The following NELL2 variants were observed in gnomAD, a reference collection of about 807,000 sequenced individuals.
NELL2 encodes neural EGFL like 2, also known as protein kinase C-binding protein NELL2.
NELL2 carries 41 observed loss-of-function variants against 109.6 expected under a neutral mutation model. The observed-to-expected ratio is 0.37, with a 90% CI of 0.29 to 0.49. The LOEUF (loss-of-function observed/expected upper bound fraction) is 0.49, where lower values mean the gene tolerates loss of function less well. Among genes scored for constraint, NELL2 ranks in the 20% least tolerant of loss-of-function variants. The pLI, the probability that NELL2 is intolerant of heterozygous loss-of-function variation, is 0.98. For missense variants in NELL2, 900 were observed against 1,008.3 expected, an observed-to-expected ratio of 0.89 and a Z score of 1.45; for synonymous variants, 355 against 344.7, an observed-to-expected ratio of 1.03 and a Z score of -0.33.
chr12:44,705,797 A>C (rs1937844093), intron 11 of NELL2, among the ~76,000 whole-genome samples: 1 of 152,232 alleles, frequency 6.6e-6, no homozygotes, highest in Non-Finnish European at 1.5e-5. Context: ...GCTCTAACAC[A>C]GTGCTAAATT....
intron 15 of NELL2, among the ~76,000 whole-genome samples, chr12:44,533,291 C>A (rs2139012322): frequency 6.6e-6 from 1 of 152,246 alleles, no homozygotes; most frequent in Non-Finnish European, 1.5e-5. Flanking sequence ...AAGAAATCAA[C>A]CTTAGTTGAC....
upstream of NELL2, among the ~76,000 whole-genome samples, chr12:44,918,011 ATTTT>A (rs1945841479): frequency 6.6e-6 from 1 of 152,208 alleles, no homozygotes; most frequent in Non-Finnish European, 1.5e-5. Flanking sequence ...TAGTTTGAAT[ATTTT>A]GAGTCCTTTC....
chr12:44,668,095 A>G (rs920155080), intron 12 of NELL2, among the ~76,000 whole-genome samples: 1 of 152,140 alleles, frequency 6.6e-6, no homozygotes, highest in African/African-American at 2.4e-5. Flanking sequence ...CTAGAGCACC[A>G]TGGCATCCCT....
At position 44,670,609 on chromosome 12, in the gene NELL2, A is replaced by C. The variant is rs1948105763; in HGVS notation, c.1319-5000T>G. On this transcript the variant is annotated intron_variant, in intron 12 of 19. Transcript: ENST00000429094. ...CACATAGACTAAAAGAGAAGGGACG[A>C]AAAAAAATCCATGCAAATGAAAACC... Among the ~76,000 whole-genome samples the C allele has an allele frequency of 7.6e-5, 9 of 118,120 alleles. No homozygotes were observed. The South Asian group carries it at 2.3e-3, about 30-fold the overall frequency. The allele number at this position is 118,120 out of a possible 152,430, so 77.5% of individuals were successfully genotyped here. A position where few individuals can be genotyped will look rare whatever the true frequency, so the allele number is the denominator to read the frequency against.
At chr12:44,609,179 C>T (rs1161950618) in intron 14 of NELL2, among the ~76,000 whole-genome samples, 1 of 151,892 alleles carries the variant, frequency 6.6e-6, no homozygotes, top group Non-Finnish European at 1.5e-5. Context: ...TCAAACTCTA[C>T]ACTCAAGCAA....
chr12:44,745,043 G>A (rs530619757), intron 9 of NELL2, among the ~76,000 whole-genome samples: 55 of 152,218 alleles, frequency 3.6e-4, no homozygotes, highest in African/African-American at 9.6e-4. Context: ...ACATCAATGC[G>A]AAAATCCTAC....
chr12:44,755,371 C>T (rs772378110), intron 9 of NELL2, among the ~76,000 whole-genome samples: 18 of 152,266 alleles, frequency 1.2e-4, no homozygotes, highest in Middle Eastern at 3.4e-3. Flanking sequence ...CATACACACA[C>T]GCACATGCAC....
At chr12:44,566,533 TCA>T (rs3071958) in intron 15 of NELL2, among the ~76,000 whole-genome samples, 49,501 of 148,642 alleles carry the variant, frequency 0.33, 9,162 homozygotes, top group Non-Finnish European at 0.44. Context: ...TTACACATAC[TCA>T]CACACACACA....
intron 9 of NELL2, among the ~76,000 whole-genome samples, chr12:44,759,124 C>G (rs1941014118): frequency 6.6e-6 from 1 of 152,162 alleles, no homozygotes; most frequent in African/African-American, 2.4e-5. Flanking sequence ...TATGACTACC[C>G]CATTTGAAAG....
intron 2 of NELL2, among the ~76,000 whole-genome samples, chr12:44,826,916 A>T (rs189863441): frequency 2.6e-5 from 4 of 152,306 alleles, no homozygotes; most frequent in Admixed American, 2.6e-4. Context: ...TATTCTGAAG[A>T]TAAATAAATA....
chr12:44,704,620 T>C (rs1390792018), intron 11 of NELL2, among the ~76,000 whole-genome samples: 1 of 152,238 alleles, frequency 6.6e-6, no homozygotes, highest in East Asian at 1.9e-4. Flanking sequence ...CTATATTTAA[T>C]GGAAATTACA....
chr12:44,608,253 G>A (rs1945477688), intron 14 of NELL2, among the ~76,000 whole-genome samples: 1 of 152,004 alleles, frequency 6.6e-6, no homozygotes, highest in South Asian at 2.1e-4. Context: ...CCTCTAGTTA[G>A]GTAGAATACA....
chr12:44,719,245 T>A (rs1002256799), intron 9 of NELL2, among the ~76,000 whole-genome samples: 2 of 152,194 alleles, frequency 1.3e-5, no homozygotes, highest in African/African-American at 4.8e-5. Context: ...GAGAAATGGA[T>A]AAGTGAAAGA....
intron 9 of NELL2, among the ~76,000 whole-genome samples, chr12:44,767,631 A>G (rs1376873716): frequency 6.6e-6 from 1 of 152,224 alleles, no homozygotes; most frequent in Non-Finnish European, 1.5e-5. Flanking sequence ...GAAACAATCA[A>G]AATATCTTTA....
At position 44,532,668 on chromosome 12, in the gene NELL2, T is replaced by C; in HGVS notation, c.1717A>G (p.Ile573Val). The C allele has an allele frequency of 1.2e-6, 2 of 1,613,646 alleles. No individual in the cohort carries two copies. The highest frequency in any genetic ancestry group is 1.7e-6 in the Non-Finnish European group (2 of 1,179,672). ...CAGTGGTACCATCCAGGCAGGTTAA[T>C]GCAATTAGCACGACTGTCACATTGA... Reference protein sequence around the residue: ...FVQCDSRANCINLPGWYHCEC... With the variant: ...FVQCDSRANCVNLPGWYHCEC... The change falls in exon 16 of 20, where the codon ATT becomes GTT. Residue 573 changes from isoleucine to valine, a missense_variant. Physicochemically the swap from Ile to Val is conservative, Grantham distance 29 (BLOSUM62 3). Coordinates refer to ENST00000429094, the MANE Select transcript of NELL2 (RefSeq NM_001145108.2).
chr12:44,904,312 T>G lies in NELL2; in HGVS notation c.38+9487A>C, dbSNP rs1465069530. Among the ~76,000 whole-genome samples, 3 of 152,190 alleles carry G rather than the reference T, an allele frequency of 2.0e-5. No individual in the cohort carries two copies. In the East Asian group the frequency reaches 5.8e-4, roughly 29 times the overall value. The stretch of plus-strand genomic sequence containing the variant: ...ATATGCTCAACACATCCCATTTTCT[T>G]TTATTCTAAGAATATGCTTTTCACT... On this transcript the variant is annotated intron_variant, in intron 1 of 20. Coordinates refer to the NELL2 transcript ENST00000333837.
intron 2 of NELL2, among the ~76,000 whole-genome samples, chr12:44,840,195 G>A (rs1488124241): frequency 6.6e-6 from 1 of 152,120 alleles, no homozygotes; most frequent in East Asian, 1.9e-4. Flanking sequence ...TGATTGAGGA[G>A]GCAGTCCTAA....
chr12:44,550,986 A>T (rs1477519726), intron 15 of NELL2, among the ~76,000 whole-genome samples: 1 of 152,184 alleles, frequency 6.6e-6, no homozygotes, highest in Non-Finnish European at 1.5e-5. Flanking sequence ...TTTATATCTA[A>T]GAGAGTAGAT....
chr12:44,846,466 T>C (rs932989847), intron 2 of NELL2, among the ~76,000 whole-genome samples: 1 of 152,168 alleles, frequency 6.6e-6, no homozygotes, highest in African/African-American at 2.4e-5. Context: ...TCACTAGCAA[T>C]ATTTATCAGC....
Sources: allele counts gnomAD v4.1 joint callset (sites outside exome capture counted in the v4.1 genomes callset), GRCh38; gene constraint gnomAD v4.1.1; transcripts MANE v1.5; gene names NCBI Gene and HGNC (gene_info 2026-07-23, HGNC 2026-07-21).